The following GAS7 variants were observed in gnomAD, a reference collection of about 807,000 sequenced individuals.
The protein encoded by GAS7 is growth arrest specific 7.
GAS7 carries 28 observed loss-of-function variants against 71.1 expected under a neutral mutation model. That is an observed-to-expected ratio of 0.39 (90% confidence interval 0.29 to 0.54). The LOEUF (loss-of-function observed/expected upper bound fraction) is 0.54, where lower values mean the gene tolerates loss of function less well. Ranked by LOEUF, GAS7 falls within the 20% of genes least tolerant of loss-of-function variation. GAS7 has a pLI of 0.62. For synonymous variants in GAS7, 258 were observed against 245.8 expected, an observed-to-expected ratio of 1.05 and a Z score of -0.46; for missense variants, 436 against 627.8, an observed-to-expected ratio of 0.69 and a Z score of 3.27.
chr17:10,001,725 T>C (rs1597654644), intron 2 of GAS7, among the ~76,000 whole-genome samples: 1 of 152,360 alleles, frequency 6.6e-6, no homozygotes, highest in African/African-American at 2.4e-5. Context: ...CTCTCTGGTA[T>C]GGTTCAGAGC....
intron 1 of GAS7, among the ~76,000 whole-genome samples, chr17:10,068,150 A>T (rs1049744849): frequency 6.6e-6 from 1 of 152,222 alleles, no homozygotes; most frequent in African/African-American, 2.4e-5. Flanking sequence ...TACGAAGCAC[A>T]GTGACATCAC....
intron 2 of GAS7, among the ~76,000 whole-genome samples, chr17:9,999,517 CAA>C (rs58784129): frequency 7.1e-6 from 1 of 141,728 alleles, no homozygotes; most frequent in Non-Finnish European, 1.6e-5. Flanking sequence ...GACTTTGCCT[CAA>C]AAAAAAAAAA....
chr17:10,168,484 C>T (rs894677494), intron 1 of GAS7, among the ~76,000 whole-genome samples: 1 of 152,128 alleles, frequency 6.6e-6, no homozygotes, highest in South Asian at 2.1e-4. Flanking sequence ...AATCACTCCC[C>T]CACTACCATG....
chr17:10,182,235 C>G (rs986575384), intron 1 of GAS7, among the ~76,000 whole-genome samples: 6 of 152,160 alleles, frequency 3.9e-5, no homozygotes, highest in Non-Finnish European at 8.8e-5. Context: ...TCTCGACTCA[C>G]TGCAACCTCC....
At chr17:10,123,399 C>T (rs1244655577) in intron 1 of GAS7, among the ~76,000 whole-genome samples, 1 of 152,154 alleles carries the variant, frequency 6.6e-6, no homozygotes, top group Non-Finnish European at 1.5e-5. Context: ...AGAAGCCCTA[C>T]CCTAGAATCT....
chr17:10,142,892 A>G (rs2074093480), intron 1 of GAS7, among the ~76,000 whole-genome samples: 1 of 152,084 alleles, frequency 6.6e-6, no homozygotes, highest in South Asian at 2.1e-4. Flanking sequence ...CTCCCAATCC[A>G]AAAAACAAAA....
chr17:9,931,650 T>C (rs2068212028), intron 9 of GAS7, among the ~76,000 whole-genome samples: 1 of 152,248 alleles, frequency 6.6e-6, no homozygotes, highest in African/African-American at 2.4e-5. Flanking sequence ...AAAAGATCCA[T>C]TCACGGAGTT....
At chr17:9,961,728 A>G (rs1471917821) in intron 4 of GAS7, among the ~76,000 whole-genome samples, 1 of 152,242 alleles carries the variant, frequency 6.6e-6, no homozygotes, top group African/African-American at 2.4e-5. Context: ...CCAGCAAGTT[A>G]AATGGCATCA....
chr17:9,933,037 T>C (rs1278132886), intron 9 of GAS7, among the ~76,000 whole-genome samples: 2 of 152,016 alleles, frequency 1.3e-5, no homozygotes, highest in Non-Finnish European at 2.9e-5. Context: ...CTGGGTGTGG[T>C]GGCAGGCGCC....
intron 1 of GAS7, among the ~76,000 whole-genome samples, chr17:10,112,544 T>G (rs755862344): frequency 6.6e-6 from 1 of 152,158 alleles, no homozygotes; most frequent in African/African-American, 2.4e-5. Context: ...GAGACCAGCC[T>G]GACCAACATG....
chr17:10,198,241 G>A lies in GAS7; in HGVS notation c.150C>T (p.Gly50=). ...ACTGCACGTAGCTCGCCGGGAACCA[G>A]CCACGGAGCCCGTCCTCCTTCTCGC... ...WEGEKEDGLR[G]WFPASYVQLL... The change falls in exon 1 of 14, where the codon GGC becomes GGT. Residue 50 remains glycine, a synonymous_variant. Coordinates refer to ENST00000432992, the MANE Select transcript of GAS7 (RefSeq NM_201433.2). 1.9e-6 allele frequency: 3 copies of A among 1,607,920 alleles called. No homozygotes were observed. The highest frequency in any genetic ancestry group is 2.5e-6 in the Non-Finnish European group (3 of 1,179,480).
At chr17:10,084,684 C>T (rs1344926682) in intron 1 of GAS7, among the ~76,000 whole-genome samples, 2 of 152,204 alleles carry the variant, frequency 1.3e-5, no homozygotes, top group African/African-American at 4.8e-5. Flanking sequence ...CCAGGCTGGT[C>T]TTGAACTCCT....
chr17:9,983,361 C>T (rs145355603), intron 2 of GAS7, among the ~76,000 whole-genome samples: 92 of 152,138 alleles, frequency 6.0e-4, no homozygotes, highest in African/African-American at 2.0e-3. Context: ...TGTGGTAGCA[C>T]GTGCCTGTGG....
chr17:9,955,273 C>G (rs73273007), intron 5 of GAS7, among the ~76,000 whole-genome samples: 2 of 152,176 alleles, frequency 1.3e-5, no homozygotes, highest in South Asian at 4.1e-4. Flanking sequence ...GTCCTCCCCC[C>G]GGTTACATTT....
intron 5 of GAS7, among the ~76,000 whole-genome samples, chr17:9,955,357 T>C (rs962970009): frequency 3.9e-5 from 6 of 152,244 alleles, no homozygotes; most frequent in Non-Finnish European, 7.3e-5. Flanking sequence ...CTCCCAGGCA[T>C]AGCAGGAGCT....
Position 9,911,416 on chromosome 17 carries a change from A to G in GAS7, c.*5812T>C, listed in dbSNP as rs2067432828. On this transcript the variant is annotated 3_prime_UTR_variant, in exon 14 of 14. Transcript: ENST00000432992. This position sits in a 1 kb window ranked among gnomAD's most constrained non-coding sequence, Gnocchi z 4.0. ...CCTTACATTCCACTGCAATCCCACT[A>G]AAGTTTCCCTCAAACACCAAGGAAC... The G allele has an allele frequency of 1.3e-5, 3 of 233,302 alleles. No individual in the cohort carries two copies. Among genetic ancestry groups the G allele is most frequent in the South Asian group, 1.8e-4 (1 of 5,530 alleles). The allele number at this position is 233,302 out of a possible 1,614,324, so 14.5% of individuals were successfully genotyped here. A position where few individuals can be genotyped will look rare whatever the true frequency, so the allele number is the denominator to read the frequency against.
rs1207571972 is a variant in GAS7 at position 9,916,707 on chromosome 17, G to C, written c.*521C>G. ...TGAGAAAGCCAGATGTGGACTCCCA[G>C]AATGCAATGGGAAAAAAATAAAGAA... is the stretch of plus-strand genomic sequence containing the variant. On this transcript the variant is annotated 3_prime_UTR_variant, in exon 14 of 14. Coordinates refer to ENST00000432992, the MANE Select transcript of GAS7 (RefSeq NM_201433.2). 1.1e-5 allele frequency: 4 copies of C among 371,312 alleles called. No homozygotes were observed. Among genetic ancestry groups the C allele is most frequent in the Non-Finnish European group, 1.9e-5 (4 of 209,050 alleles). The allele number at this position is 371,312 out of a possible 1,614,324, so 23.0% of individuals were successfully genotyped here. A position where few individuals can be genotyped will look rare whatever the true frequency, so the allele number is the denominator to read the frequency against.
At chr17:10,043,227 C>T (rs912422576) in intron 1 of GAS7, among the ~76,000 whole-genome samples, 8 of 152,152 alleles carry the variant, frequency 5.3e-5, no homozygotes, top group African/African-American at 1.9e-4. Flanking sequence ...ACCCCCAGGG[C>T]CCCTCTCCAA....
chr17:10,139,595 A>C (rs2074064794), intron 1 of GAS7, among the ~76,000 whole-genome samples: 1 of 152,078 alleles, frequency 6.6e-6, no homozygotes, highest in Non-Finnish European at 1.5e-5. Flanking sequence ...AATAGTTCTG[A>C]CTCCCAAGCC....
Sources: allele counts gnomAD v4.1 joint callset (sites outside exome capture counted in the v4.1 genomes callset), GRCh38; gene constraint gnomAD v4.1.1; non-coding constraint Gnocchi (gnomAD v3.1); transcripts MANE v1.5; gene names NCBI Gene and HGNC (gene_info 2026-07-23, HGNC 2026-07-21).